Variants in ACAA1 observed in about 807,000 individuals in gnomAD.
The protein encoded by ACAA1 is 3-ketoacyl-CoA thiolase, peroxisomal.
In ACAA1, 44 loss-of-function variants were observed where a neutral mutation model predicts 48.8. That is an observed-to-expected ratio of 0.90 (90% CI 0.71 to 1.16). The LOEUF (loss-of-function observed/expected upper bound fraction) is 1.16, where lower values mean the gene tolerates loss of function less well. Among genes scored for constraint, ACAA1 ranks in the 50% most tolerant of loss-of-function variants. ACAA1 has a pLI of 0.00. For synonymous variants in ACAA1, 233 were observed against 226.5 expected, an observed-to-expected ratio of 1.03 and a Z score of -0.26; for missense variants, 512 against 562.3, an observed-to-expected ratio of 0.91 and a Z score of 0.90.
Position 38,125,893 on chromosome 3 carries a change from G to T in ACAA1, c.998-12C>A. 2.5e-6 allele frequency: 4 copies of T among 1,614,128 alleles called. No homozygotes were observed. The highest frequency in any genetic ancestry group is 3.4e-6 in the Non-Finnish European group (4 of 1,180,030). On this transcript the variant is annotated splice_polypyrimidine_tract_variant and intron_variant, in intron 9 of 11. Coordinates refer to ENST00000333167, the MANE Select transcript of ACAA1 (RefSeq NM_001607.4). ...ACTCACTGTCAGCCCTGCAGACAAG[G>T]TAAAGACCTGAGCTGACACACTGGC...
chr3:38,125,324 G>A (rs1700652249), intron 11 of ACAA1: 1 of 381,746 alleles, frequency 2.6e-6, no homozygotes, highest in African/African-American at 2.1e-5. Flanking sequence ...GTAAGAAGGG[G>A]GTAAAGAGTA....
Position 38,125,709 on chromosome 3 carries a change from G to C in ACAA1, c.1055C>G (p.Ala352Gly), listed in dbSNP as rs1250084097. ...FEINEAFASQ[A>G]AYCVEKLRLP... ...TCGTAGCTTCTCCACACAGTAGGCA[G>C]CCTGGAAGGAGGCAGATCATCACCT... Residue 352 changes from alanine (A) to glycine (G), a missense_variant and splice_region_variant, in exon 11 of 12, where the codon GCT (alanine) becomes GGT (glycine). Transcript: ENST00000333167. The C allele has an allele frequency of 1.9e-6, 3 of 1,608,566 alleles. No homozygotes were observed. The highest frequency in any genetic ancestry group is 2.5e-6 in the Non-Finnish European group (3 of 1,176,658).
chr3:38,126,678 C>A lies in ACAA1; in HGVS notation c.649G>T (p.Gly217Cys), dbSNP rs1700689944. The change falls in exon 8 of 12, where the codon GGC (glycine) becomes TGC (cysteine). Residue 217 changes from glycine (G) to cysteine (C), a missense_variant. Coordinates refer to ENST00000333167, the MANE Select transcript of ACAA1 (RefSeq NM_001607.4). This position sits in a 1 kb window ranked among gnomAD's most constrained non-coding sequence, Gnocchi z 4.7. ...GGCACAATCTCAGCTTGGAAACAGC[C>A]CTTGCTCTGGGCTCTTGCTGCCCTG... ...QQKAARAQSK[G>C]CFQAEIVPVT... 1 of 1,613,804 alleles carries A rather than the reference C, an allele frequency of 6.2e-7. No individual in the cohort carries two copies. Among genetic ancestry groups the A allele is most frequent in the Non-Finnish European group, 8.5e-7 (1 of 1,180,028 alleles).
chr3:38,128,298 A>G (rs1034599944), intron 6 of ACAA1, among the ~76,000 whole-genome samples: 2 of 152,164 alleles, frequency 1.3e-5, no homozygotes, highest in Non-Finnish European at 2.9e-5. Flanking sequence ...ATGTAGGGAG[A>G]TGAGGACTCC....
chr3:38,135,086 G>A (rs1700864103), intron 2 of ACAA1: 1 of 152,246 alleles, frequency 6.6e-6, no homozygotes, highest in Admixed American at 6.5e-5. Context: ...GCTACACTGA[G>A]ATGTCTGGGT....
intron 10 of ACAA1, 39 bp downstream of exon 10, chr3:38,125,787 T>TTGGAC: frequency 6.2e-7 from 1 of 1,614,170 alleles, no homozygotes; most frequent in African/African-American, 1.3e-5. Context: ...CCACCTCGGC[T>TTGGAC]GTCCAGGGCA....
chr3:38,122,833 TAA>T lies in ACAA1; in HGVS notation c.*212_*213del, dbSNP rs906509505. 8 of 826,836 alleles carry T rather than the reference TAA, an allele frequency of 9.7e-6. No homozygotes were observed. The highest frequency in any genetic ancestry group is 7.3e-4 in the Middle Eastern group (2 of 2,746). 51.2% of individuals were successfully genotyped at this position (826,836 alleles called of 1,614,324 possible). On this transcript the variant is annotated 3_prime_UTR_variant, in exon 12 of 12. Coordinates refer to ENST00000333167, the MANE Select transcript of ACAA1 (RefSeq NM_001607.4). ...CCAGGCTGCTTTTATCTTGCACAGC[TAA>T]AGAGGGTCTGATGGGTGGCTCAACA...
intron 2 of ACAA1, 137 bp from the exon 3 acceptor site, chr3:38,134,146 G>A (rs899302056): frequency 1.3e-6 from 1 of 788,446 alleles, no homozygotes; most frequent in Non-Finnish European, 2.0e-6. Flanking sequence ...TGCAACTCTG[G>A]AACATCAGGG....
rs1190876306 is a variant in ACAA1 at position 38,131,599 on chromosome 3, C to G, written c.443G>C (p.Cys148Ser). The G allele has an allele frequency of 2.5e-6, 4 of 1,614,210 alleles. No individual in the cohort carries two copies. The South Asian group carries it at 4.4e-5, about 18-fold the overall frequency. ...TCCGGCAGAAAAAAATTCTTACCCA[C>G]AGGCCATGCCAATGTCATAAGACCC... ...RNGSYDIGMA[C>S]GVESMSLADR... The change falls in exon 5 of 12, where the codon TGT becomes TCT. Residue 148 changes from cysteine to serine, a missense_variant. By Grantham distance (112) the Cys-to-Ser change is moderately radical. Coordinates refer to ENST00000333167, the MANE Select transcript of ACAA1 (RefSeq NM_001607.4).
Position 38,126,100 on chromosome 3 carries a change from G to A in ACAA1, c.997+62C>T. ...GACCACCCTCATGCCCCTGGCAACA[G>A]CATGCAGGGCAGCTGCAGGATCCAG... On this transcript the variant is annotated intron_variant, in intron 9 of 11. Transcript: ENST00000333167. This position sits in a 1 kb window ranked among gnomAD's most constrained non-coding sequence, Gnocchi z 4.7. The A allele has an allele frequency of 1.9e-6, 3 of 1,567,956 alleles. No individual in the cohort carries two copies. Among genetic ancestry groups the A allele is most frequent in the Non-Finnish European group, 2.6e-6 (3 of 1,150,916 alleles).
In ACAA1 at chr3:38,134,264, C is replaced by G. The variant is rs978789662; in HGVS notation, c.266-255G>C. 3 of 559,880 alleles carry G rather than the reference C, an allele frequency of 5.4e-6. No homozygotes were observed. In the African/African-American group the frequency reaches 5.7e-5, roughly 11 times the overall value. The allele number at this position is 559,880 out of a possible 1,614,324, so 34.7% of individuals were successfully genotyped here. The stretch of plus-strand genomic sequence containing the variant: ...GCCCATGCACCCAGCTTTTCCAAAT[C>G]AGCACAGATGGGCAGGTTGTCTGCC... On this transcript the variant is annotated intron_variant, in intron 2 of 11. Coordinates refer to ENST00000333167, the MANE Select transcript of ACAA1 (RefSeq NM_001607.4).
At position 38,136,909 on chromosome 3, in the gene ACAA1, C is replaced by G. The variant is rs1700916082; in HGVS notation, c.127G>C (p.Gly43Arg). ...ASAADVVVVH[G>R]RRTAICRAGR... ...GCCCGGCAGATGGCCGTGCGCCGCC[C>G]GTGCACCACCACCACGTCCGCGGCC... is the stretch of plus-strand genomic sequence containing the variant. Residue 43 changes from glycine to arginine, a missense_variant, in exon 1 of 12, where the codon GGG becomes CGG. Transcript: ENST00000333167. The G allele has an allele frequency of 6.5e-7, 1 of 1,535,682 alleles. No homozygotes were observed. Among genetic ancestry groups the G allele is most frequent in the Non-Finnish European group, 8.7e-7 (1 of 1,144,584 alleles).
chr3:38,124,243 C>T (rs1407188903), intron 11 of ACAA1: 1 of 152,178 alleles, frequency 6.6e-6, no homozygotes, highest in African/African-American at 2.4e-5. Flanking sequence ...TAATCATGTG[C>T]ACCCAGCTTT....
chr3:38,136,882 C>G lies in ACAA1; in HGVS notation c.154G>C (p.Gly52Arg), dbSNP rs1428123307. The change falls in exon 1 of 12, where the codon GGC (glycine) becomes CGC (arginine). Residue 52 changes from glycine to arginine, a missense_variant. Gly to Arg is a moderately radical substitution (Grantham distance 125). Transcript: ENST00000333167. ...HGRRTAICRA[G>R]RGGFKDTTPD... ...GGCCTCACCTTGAAGCCGCCGCGGC[C>G]CGCCCGGCAGATGGCCGTGCGCCGC... The G allele has an allele frequency of 3.3e-6, 5 of 1,526,556 alleles. No homozygotes were observed. Among genetic ancestry groups the G allele is most frequent in the Non-Finnish European group, 4.4e-6 (5 of 1,141,938 alleles). The allele number at this position is 1,526,556 out of a possible 1,614,324, so 94.6% of individuals were successfully genotyped here. A position where few individuals can be genotyped will look rare whatever the true frequency, so the allele number is the denominator to read the frequency against.
chr3:38,126,759 C>T lies in ACAA1; in HGVS notation c.627-59G>A, dbSNP rs1700691605. The T allele has an allele frequency of 1.3e-6, 2 of 1,597,270 alleles. No individual in the cohort carries two copies. The highest frequency in any genetic ancestry group is 1.7e-5 in the Admixed American group (1 of 59,734). On this transcript the variant is annotated intron_variant, in intron 7 of 11. Coordinates refer to ENST00000333167, the MANE Select transcript of ACAA1 (RefSeq NM_001607.4). This position sits in a 1 kb window ranked among gnomAD's most constrained non-coding sequence, Gnocchi z 4.7. ...CCTTGGGGTTCCCTTCCTCCCTGCC[C>T]CCAACCCCTATCCATTTGGGTAGAC...
chr3:38,131,958 G>A lies in ACAA1; in HGVS notation c.371C>T (p.Ser124Leu), dbSNP rs369897061. The A allele has an allele frequency of 5.3e-5, 86 of 1,613,852 alleles. No homozygotes were observed. The highest frequency in any genetic ancestry group is 6.7e-5 in the Non-Finnish European group (79 of 1,179,944). The part of the protein sequence containing the change: ...VPLSTVNRQC[S>L]SGLQAVASIA... ...GCTGGCCACTGCCTGTAGCCCCGAC[G>A]AACACTGTCTATTGACAGTGGACAA... The change falls in exon 4 of 12, where the codon TCG becomes TTG. Residue 124 changes from serine (S) to leucine (L), a missense_variant. Coordinates refer to ENST00000333167, the MANE Select transcript of ACAA1 (RefSeq NM_001607.4).
At chr3:38,128,939 C>T (rs1225256284) in intron 6 of ACAA1, among the ~76,000 whole-genome samples, 1 of 152,212 alleles carries the variant, frequency 6.6e-6, no homozygotes, top group Non-Finnish European at 1.5e-5. Flanking sequence ...CAATTCCCCT[C>T]ACCAGCATGT....
In ACAA1 at chr3:38,122,790, C is replaced by T. The variant is rs1327237347; in HGVS notation, c.*257G>A. ...GCCTTGCCTTAAGAATTAACCATGG[C>T]CTTGTGGCCTGGGTGACCCAGGCTG... is the stretch of plus-strand genomic sequence containing the variant. On this transcript the variant is annotated 3_prime_UTR_variant, in exon 12 of 12. Transcript: ENST00000333167. The T allele has an allele frequency of 2.7e-6, 3 of 1,099,500 alleles. No individual in the cohort carries two copies. The highest frequency in any genetic ancestry group is 2.7e-5 in the East Asian group (1 of 36,964). The allele number at this position is 1,099,500 out of a possible 1,614,324, so 68.1% of individuals were successfully genotyped here.
chr3:38,125,188 T>G (rs1052639718), intron 11 of ACAA1: 2 of 170,254 alleles, frequency 1.2e-5, no homozygotes, highest in African/African-American at 4.7e-5. Context: ...ACTAATCCCT[T>G]CCCTAGAATT....
Sources: gnomAD v4.1 joint callset for allele counts (sites outside exome capture counted in the v4.1 genomes callset) on GRCh38, gnomAD v4.1.1 for gene constraint, Gnocchi (gnomAD v3.1) non-coding constraint, MANE v1.5 for transcripts, NCBI Gene and HGNC (gene_info 2026-07-23, HGNC 2026-07-21) for gene names.